ABTB3: variants seen among roughly 807,000 people sequenced by gnomAD.
ABTB3 encodes the protein ankyrin repeat- and BTB/POZ domain-containing protein 3.
the ABTB3 span, among the ~76,000 whole-genome samples, chr12:107,468,993 T>C: frequency 6.6e-5 from 10 of 152,266 alleles, no homozygotes; most frequent in Middle Eastern, 3.4e-3. Flanking sequence ...AAATAACACC[T>C]GTCCTCCCAC....
the ABTB3 span, among the ~76,000 whole-genome samples, chr12:107,330,721 G>A: frequency 6.6e-6 from 1 of 152,232 alleles, no homozygotes; most frequent in African/African-American, 2.4e-5. Flanking sequence ...CTCGTGGGAA[G>A]CATAGTGGGA....
At chr12:107,377,414 A>AGTGTGT in the ABTB3 span, among the ~76,000 whole-genome samples, 1,282 of 146,602 alleles carry the variant, frequency 8.7e-3, 15 homozygotes, top group East Asian at 0.012. Context: ...AGAGAGCAAG[A>AGTGTGT]GTGTGTGTGT....
At chr12:107,645,504 C>G in the ABTB3 span, among the ~76,000 whole-genome samples, 21,603 of 152,206 alleles carry the variant, frequency 0.14, 1,651 homozygotes, top group South Asian at 0.2. Context: ...GACTCCCAGA[C>G]CTGTTCTCTT....
the ABTB3 span, among the ~76,000 whole-genome samples, chr12:107,430,964 A>G: frequency 6.6e-6 from 1 of 152,240 alleles, no homozygotes; most frequent in Non-Finnish European, 1.5e-5. Flanking sequence ...ATATGATTTA[A>G]AGATTATGTT....
the ABTB3 span, chr12:107,581,125 G>C: frequency 6.5e-7 from 1 of 1,546,210 alleles, no homozygotes; most frequent in Non-Finnish European, 8.7e-7. Flanking sequence ...CCTAACGCGC[G>C]TCTCCGGGTC....
chr12:107,326,519 T>A, the ABTB3 span, among the ~76,000 whole-genome samples: 1 of 152,240 alleles, frequency 6.6e-6, no homozygotes, highest in Non-Finnish European at 1.5e-5. Flanking sequence ...ATTGACCAGA[T>A]GTATCATTGG....
At chr12:107,527,798 T>C in the ABTB3 span, among the ~76,000 whole-genome samples, 1 of 152,316 alleles carries the variant, frequency 6.6e-6, no homozygotes, top group East Asian at 1.9e-4. Context: ...GGATTATATG[T>C]GGTCTTTTTT....
chr12:107,512,790 G>A, the ABTB3 span, among the ~76,000 whole-genome samples: 1 of 152,128 alleles, frequency 6.6e-6, no homozygotes, highest in Non-Finnish European at 1.5e-5. Flanking sequence ...AGATAATAAT[G>A]GCAAATATTT....
At chr12:107,356,641 A>G in the ABTB3 span, among the ~76,000 whole-genome samples, 1 of 152,188 alleles carries the variant, frequency 6.6e-6, no homozygotes, top group East Asian at 1.9e-4. Context: ...TTAGCTAAAA[A>G]TGTTCCACCC....
chr12:107,410,083 G>A, the ABTB3 span, among the ~76,000 whole-genome samples: 3 of 152,094 alleles, frequency 2.0e-5, no homozygotes, highest in African/African-American at 7.2e-5. Context: ...CAGTAAGAGT[G>A]AGGAAGCCTT....
chr12:107,515,845 GT>G, the ABTB3 span, among the ~76,000 whole-genome samples: 8 of 152,122 alleles, frequency 5.3e-5, no homozygotes, highest in Admixed American at 1.3e-4. Flanking sequence ...AGCCCACAGT[GT>G]TTTCAGACTG....
At chr12:107,641,392 C>T in the ABTB3 span, among the ~76,000 whole-genome samples, 1 of 152,134 alleles carries the variant, frequency 6.6e-6, no homozygotes, top group South Asian at 2.1e-4. Flanking sequence ...CAGGAACTCT[C>T]TGTATTATCT....
At chr12:107,638,945 G>A in the ABTB3 span, among the ~76,000 whole-genome samples, 5 of 152,190 alleles carry the variant, frequency 3.3e-5, no homozygotes, top group Non-Finnish European at 7.3e-5. Flanking sequence ...GACAGACATG[G>A]ATACATCATA....
At chr12:107,360,973 T>C in the ABTB3 span, among the ~76,000 whole-genome samples, 78 of 138,408 alleles carry the variant, frequency 5.6e-4, no homozygotes, top group African/African-American at 2.0e-3. Context: ...GATTTCACTG[T>C]GTTGCTCAGG....
the ABTB3 span, among the ~76,000 whole-genome samples, chr12:107,578,018 A>AT: frequency 6.6e-6 from 1 of 152,092 alleles, no homozygotes; most frequent in Non-Finnish European, 1.5e-5. Context: ...AAAAAAAAAA[A>AT]GTATAAAGAG....
At chr12:107,406,359 G>C in the ABTB3 span, among the ~76,000 whole-genome samples, 3 of 152,328 alleles carry the variant, frequency 2.0e-5, no homozygotes, top group South Asian at 4.1e-4. Context: ...GAGCCTAGGA[G>C]TTTGAGACTG....
the ABTB3 span, among the ~76,000 whole-genome samples, chr12:107,382,077 TGAA>T: frequency 1.3e-5 from 2 of 151,786 alleles, no homozygotes; most frequent in Non-Finnish European, 2.9e-5. Context: ...AAACAATAAA[TGAA>T]GAAATAAATT....
At chr12:107,613,002 C>T in the ABTB3 span, 2 of 827,488 alleles carry the variant, frequency 2.4e-6, no homozygotes, top group African/African-American at 3.4e-5. Flanking sequence ...TTCCTGTGTC[C>T]TTTTAGTTGC....
chr12:107,449,756 C>T, the ABTB3 span, among the ~76,000 whole-genome samples: 10 of 152,056 alleles, frequency 6.6e-5, no homozygotes, highest in Admixed American at 5.9e-4. Context: ...GCTCAAACCT[C>T]CCACCTCAGC....
Sources: gnomAD v4.1 joint callset for allele counts (sites outside exome capture counted in the v4.1 genomes callset) on GRCh38, gnomAD v4.1.1 for gene constraint, MANE v1.5 for transcripts, NCBI Gene and HGNC (gene_info 2026-07-23, HGNC 2026-07-21) for gene names.